OSBPL11: variants seen among roughly 807,000 people sequenced by gnomAD.
OSBPL11 encodes the protein oxysterol binding protein like 11.
Under a neutral mutation model 84.4 loss-of-function variants are expected in OSBPL11, and 33 were observed. The observed-to-expected ratio is 0.39, with a 90% CI of 0.30 to 0.52. The LOEUF (loss-of-function observed/expected upper bound fraction) is 0.52. OSBPL11 is among the 20% of genes least tolerant of loss of function. The pLI, the probability that OSBPL11 is intolerant of heterozygous loss-of-function variation, is 0.72. For missense variants in OSBPL11, 736 were observed against 901.1 expected (o/e 0.82, Z 2.35); for synonymous variants, 276 against 310.2 (o/e 0.89, Z 1.16).
intron 5 of OSBPL11, among the ~76,000 whole-genome samples, chr3:125,569,068 C>T (rs1246005376): frequency 6.6e-6 from 1 of 152,118 alleles, no homozygotes; most frequent in East Asian, 1.9e-4. Flanking sequence ...CCTCAGCCTC[C>T]CGGGTAGCTG....
chr3:125,534,189 T>C (rs1187023442), intron 11 of OSBPL11, among the ~76,000 whole-genome samples: 1 of 152,096 alleles, frequency 6.6e-6, no homozygotes, highest in Non-Finnish European at 1.5e-5. Context: ...GAGACCAGCC[T>C]GGCCAACATG....
intron 12 of OSBPL11, among the ~76,000 whole-genome samples, chr3:125,531,257 C>T (rs1229975584): frequency 6.6e-6 from 1 of 150,622 alleles, no homozygotes; most frequent in Non-Finnish European, 1.5e-5. Flanking sequence ...GGATTACAGA[C>T]GTGAGCCACC....
At chr3:125,566,774 A>G (rs1310229255) in intron 6 of OSBPL11, among the ~76,000 whole-genome samples, 1 of 151,530 alleles carries the variant, frequency 6.6e-6, no homozygotes, top group Non-Finnish European at 1.5e-5. Context: ...ACATATATAT[A>G]TGTGTGTATA....
chr3:125,550,973 A>G (rs1019401242), intron 9 of OSBPL11, among the ~76,000 whole-genome samples: 1 of 152,106 alleles, frequency 6.6e-6, no homozygotes, highest in Admixed American at 6.6e-5. Context: ...CAGCCTGGGC[A>G]ACATATTGAG....
intron 11 of OSBPL11, among the ~76,000 whole-genome samples, chr3:125,534,654 T>G (rs1240502343): frequency 6.8e-6 from 1 of 147,474 alleles, no homozygotes; most frequent in African/African-American, 2.5e-5. Context: ...AGTCATCAGA[T>G]AGAAATAAAG....
rs576667633 is a variant in OSBPL11, at chr3:125,543,676, A to T, written c.1841+3730T>A. On this transcript the variant is annotated intron_variant, in intron 10 of 12. Transcript: ENST00000296220. ...AGCACTTTGAGAGGCCAAGGTGGGC[A>T]GATCACTTGAGGTCAGGAGTTCAAG... Among the ~76,000 whole-genome samples the T allele has an allele frequency of 9.9e-5, 15 of 152,162 alleles. No homozygotes were observed. The East Asian group carries it at 2.9e-3, about 30-fold the overall frequency.
At chr3:125,592,250 G>T (rs1184612176) in intron 1 of OSBPL11, among the ~76,000 whole-genome samples, 1 of 151,968 alleles carries the variant, frequency 6.6e-6, no homozygotes, top group Non-Finnish European at 1.5e-5. Flanking sequence ...TGTTGCCCAG[G>T]CTAGTCTCAA....
At chr3:125,542,121 T>C (rs1296081544) in intron 10 of OSBPL11, among the ~76,000 whole-genome samples, 1 of 152,128 alleles carries the variant, frequency 6.6e-6, no homozygotes, top group East Asian at 1.9e-4. Context: ...AAAATTCTGC[T>C]CCGATTCAAA....
intron 10 of OSBPL11, among the ~76,000 whole-genome samples, chr3:125,545,303 G>C (rs1238636734): frequency 6.6e-6 from 1 of 152,136 alleles, no homozygotes; most frequent in African/African-American, 2.4e-5. Context: ...TCAGACTTTG[G>C]GAAGTATGTT....
rs2107583481 is a variant in OSBPL11 at position 125,529,233 on chromosome 3, A to T, written c.*1282T>A. The T allele has an allele frequency of 6.5e-6, 1 of 152,718 alleles. No individual in the cohort carries two copies. Among genetic ancestry groups the T allele is most frequent in the South Asian group, 2.1e-4 (1 of 4,830 alleles). 9.5% of individuals were successfully genotyped at this position (152,718 alleles called of 1,614,324 possible). Reference sequence around the variant, plus strand: ...CTCTTGGGAAATTAAGGTAGCTTGCAGTAACAAGTGTTGAGCACCATAATA... The same window carrying T: ...CTCTTGGGAAATTAAGGTAGCTTGCTGTAACAAGTGTTGAGCACCATAATA... On this transcript the variant is annotated 3_prime_UTR_variant, in exon 13 of 13. Coordinates refer to ENST00000296220, the MANE Select transcript of OSBPL11 (RefSeq NM_022776.5).
chr3:125,568,385 C>A (rs186178333), intron 5 of OSBPL11, among the ~76,000 whole-genome samples: 1 of 150,480 alleles, frequency 6.6e-6, no homozygotes, highest in Non-Finnish European at 1.5e-5. Flanking sequence ...GAGCCAAGAT[C>A]GCGCCACTGC....
chr3:125,563,717 T>G lies in OSBPL11; in HGVS notation c.995A>C (p.Glu332Ala). ...VAVPEEQPVA[E>A]SGLLAREPEE... ...CCTTACCCTCGCTAATAGTCCAGAT[T>G]CTGCAACAGGCTGCTCTTCTGGGAC... The change falls in exon 7 of 13, where the codon GAA becomes GCA. Residue 332 changes from glutamate to alanine, a missense_variant. Glu to Ala is a moderately radical substitution (Grantham distance 107). Transcript: ENST00000296220. 1 of 1,614,184 alleles carries G rather than the reference T, an allele frequency of 6.2e-7. No homozygotes were observed. Among genetic ancestry groups the G allele is most frequent in the Middle Eastern group, 1.6e-4 (1 of 6,062 alleles).
Position 125,563,835 on chromosome 3 carries a change from T to C in OSBPL11, c.877A>G (p.Ile293Val). 2 of 1,613,652 alleles carry C rather than the reference T, an allele frequency of 1.2e-6. No individual in the cohort carries two copies. The highest frequency in any genetic ancestry group is 2.2e-5 in the East Asian group (1 of 44,876). Residue 293 changes from isoleucine (I) to valine (V), a missense_variant, in exon 7 of 13, where the codon ATC becomes GTC. Coordinates refer to ENST00000296220, the MANE Select transcript of OSBPL11 (RefSeq NM_022776.5). The stretch of plus-strand genomic sequence containing the variant: ...GATATCTTTGGTTCTAACCACTCGA[T>C]TGTCGTTCCTGATGGAGTAAGAGAA... ...QKGSLPSGTT[I>V]EWLEPKISLS...
At chr3:125,552,778 A>G in intron 8 of OSBPL11, 99 bp from the exon 9 acceptor site, 2 of 1,346,752 alleles carry the variant, frequency 1.5e-6, no homozygotes, top group East Asian at 2.4e-5. Context: ...CTAGATGGGT[A>G]TTAAAAACAA....
intron 5 of OSBPL11, among the ~76,000 whole-genome samples, chr3:125,571,587 T>C (rs1345787049): frequency 1.3e-5 from 2 of 151,844 alleles, no homozygotes; most frequent in African/African-American, 4.8e-5. Context: ...AGAGACTTGG[T>C]GCCCTGTGTC....
At chr3:125,545,634 G>A (rs35898908) in intron 10 of OSBPL11, among the ~76,000 whole-genome samples, 10,195 of 151,382 alleles carry the variant, frequency 0.067, 463 homozygotes, top group Non-Finnish European at 0.098. Flanking sequence ...GTGTGTGTGC[G>A]TGTGTGTGTG....
chr3:125,586,940 A>C (rs1211298083), intron 1 of OSBPL11, among the ~76,000 whole-genome samples: 2 of 152,242 alleles, frequency 1.3e-5, no homozygotes, highest in African/African-American at 4.8e-5. Flanking sequence ...CTACTAAAGC[A>C]CAGCACTCTG....
intron 9 of OSBPL11, among the ~76,000 whole-genome samples, chr3:125,550,255 A>G (rs1935880660): frequency 6.6e-6 from 1 of 152,002 alleles, no homozygotes; most frequent in Non-Finnish European, 1.5e-5. Context: ...CACGCCTGTA[A>G]TCCCAGCTAC....
chr3:125,530,397 T>G lies in OSBPL11; in HGVS notation c.*118A>C. On this transcript the variant is annotated 3_prime_UTR_variant, in exon 13 of 13. Coordinates refer to ENST00000296220, the MANE Select transcript of OSBPL11 (RefSeq NM_022776.5). ...GTGCCCTAGTAGGTACATTCAGGTT[T>G]AGCTAGTTTCAGTCTGCGCAATCAG... 1.1e-6 allele frequency: 1 copy of G among 907,420 alleles called. No individual in the cohort carries two copies. The highest frequency in any genetic ancestry group is 1.8e-6 in the Non-Finnish European group (1 of 556,780). 56.2% of individuals were successfully genotyped at this position (907,420 alleles called of 1,614,324 possible).
Sources: allele counts gnomAD v4.1 joint callset (sites outside exome capture counted in the v4.1 genomes callset), GRCh38; gene constraint gnomAD v4.1.1; transcripts MANE v1.5; gene names NCBI Gene and HGNC (gene_info 2026-07-23, HGNC 2026-07-21).